ZNF320: variants seen among roughly 807,000 people sequenced by gnomAD.
ZNF320 encodes the protein zinc finger protein 320, also known as zinc finger gene 320.
A neutral mutation model predicts 6.8 loss-of-function variants in ZNF320; 2 were observed. That is an observed-to-expected ratio of 0.29 (90% confidence interval 0.12 to 0.93). The LOEUF is 0.93. Among genes scored for constraint, ZNF320 ranks in the 40% least tolerant of loss-of-function variants. The pLI is 0.55. For missense variants in ZNF320, 472 were observed against 611.0 expected (o/e 0.77, Z 2.40); for synonymous variants, 208 against 203.2 (o/e 1.02, Z -0.20).
the ZNF320 span, among the ~76,000 whole-genome samples, chr19:52,903,002 A>G: frequency 6.6e-6 from 1 of 152,204 alleles, no homozygotes; most frequent in Non-Finnish European, 1.5e-5. Context: ...ACTTTTTAAT[A>G]TAGGTAAAAA....
intron 2 of ZNF320, among the ~76,000 whole-genome samples, chr19:52,892,792 G>A (rs142636997): frequency 6.6e-6 from 1 of 151,006 alleles, no homozygotes; most frequent in Non-Finnish European, 1.5e-5. Flanking sequence ...AGATCCCCAG[G>A]TGTCCTCCCT....
chr19:52,901,474 G>A (rs756772362), upstream of ZNF320, among the ~76,000 whole-genome samples: 7 of 152,154 alleles, frequency 4.6e-5, no homozygotes, highest in Admixed American at 1.3e-4. Context: ...AGGGGTTGGC[G>A]AAGCTGCTCT....
downstream of ZNF320, among the ~76,000 whole-genome samples, chr19:52,873,806 C>T (rs1600588291): frequency 6.6e-6 from 1 of 152,164 alleles, no homozygotes; most frequent in African/African-American, 2.4e-5. Flanking sequence ...TCTTCCCAAG[C>T]TCACATCACT....
chr19:52,865,373 G>A lies in ZNF320; in HGVS notation c.224-1214C>T, dbSNP rs899721553. ...ACATTTTCCTCACCCACAGACTCCA[G>A]GTTCCTGTAGTTCTCCCAAATCACG... On this transcript the variant is annotated intron_variant, in intron 5 of 5. Transcript: ENST00000673631. 1.7e-4 allele frequency: 53 copies of A among 317,294 alleles called. 1 individual carries two copies. Among genetic ancestry groups the A allele is most frequent in the Admixed American group, 2.3e-4 (7 of 29,984 alleles). 19.7% of individuals were successfully genotyped at this position (317,294 alleles called of 1,614,324 possible). A position where few individuals can be genotyped will look rare whatever the true frequency, so the allele number is the denominator to read the frequency against.
chr19:52,896,048 A>G (rs538841398), intron 1 of ZNF320, among the ~76,000 whole-genome samples: 1 of 152,302 alleles, frequency 6.6e-6, no homozygotes, highest in East Asian at 1.9e-4. Flanking sequence ...GTTGGAAAAC[A>G]ATGATGTGAG....
At chr19:52,866,142 T>TTATA (rs1448101919) in intron 5 of ZNF320, among the ~76,000 whole-genome samples, 1 of 52,450 alleles carries the variant, frequency 1.9e-5, no homozygotes, top group East Asian at 3.1e-4. Flanking sequence ...ATACATATAT[T>TTATA]TATATATGTA....
At chr19:52,866,863 AACAT>A (rs1386903193) in intron 5 of ZNF320, among the ~76,000 whole-genome samples, 2 of 115,000 alleles carry the variant, frequency 1.7e-5, no homozygotes, top group African/African-American at 7.4e-5. Context: ...TGTCTCACAA[AACAT>A]ACAAAAAAAA....
rs1312215334 is a variant in ZNF320, at chr19:52,879,044, A to AT, written c.*1551dup. ...TTTTAGCAGAATTTACATTGCCTTG[A>AT]TTGAGTCTCTTTTCAAACTCATGTC... On this transcript the variant is annotated 3_prime_UTR_variant, in exon 6 of 6. Transcript: ENST00000682928. 1.3e-5 allele frequency: 2 copies of AT among 152,118 alleles called. No individual in the cohort carries two copies. The highest frequency in any genetic ancestry group is 4.8e-5 in the African/African-American group (2 of 41,434). The allele number at this position is 152,118 out of a possible 1,614,324, so 9.4% of individuals were successfully genotyped here.
intron 3 of ZNF320, among the ~76,000 whole-genome samples, chr19:52,890,637 C>T (rs992039870): frequency 3.3e-5 from 5 of 152,130 alleles, no homozygotes; most frequent in South Asian, 2.1e-4. Context: ...TCTAGGAGGC[C>T]GAGGTGGGTA....
At chr19:52,897,858 A>G (rs573484395), upstream of ZNF320, among the ~76,000 whole-genome samples, 3 of 152,130 alleles carry the variant, frequency 2.0e-5, no homozygotes, top group Admixed American at 6.5e-5. Flanking sequence ...GTCCTGGGCT[A>G]TGAGGGGTCG....
downstream of ZNF320, among the ~76,000 whole-genome samples, chr19:52,871,948 T>C (rs2063687795): frequency 6.6e-6 from 1 of 152,224 alleles, no homozygotes; most frequent in African/African-American, 2.4e-5. Context: ...TCACCGCTCA[T>C]CTGCACCCAG....
At chr19:52,859,831 A>C (rs139742031), downstream of ZNF320, among the ~76,000 whole-genome samples, 713 of 152,072 alleles carry the variant, frequency 4.7e-3, 2 homozygotes, top group Non-Finnish European at 7.9e-3. Context: ...AGGAAACTAA[A>C]TTTTATTGCA....
At chr19:52,883,187 G>A (rs1222950170) in intron 5 of ZNF320, among the ~76,000 whole-genome samples, 3 of 151,762 alleles carry the variant, frequency 2.0e-5, no homozygotes, top group South Asian at 2.1e-4. Context: ...GATTACAGGC[G>A]CACACCACTA....
chr19:52,863,954 A>G, exon 6 of ZNF320: 1 of 420,212 alleles, frequency 2.4e-6, no homozygotes, highest in South Asian at 1.8e-5. Flanking sequence ...GGGCAAAATC[A>G]CAAAAGAGAA....
chr19:52,882,354 A>C (rs141438890), intron 5 of ZNF320, among the ~76,000 whole-genome samples: 1 of 152,352 alleles, frequency 6.6e-6, no homozygotes, highest in East Asian at 1.9e-4. Context: ...CAGTATATTT[A>C]GTATACAGAA....
intron 5 of ZNF320, among the ~76,000 whole-genome samples, chr19:52,883,945 G>A (rs138162264): frequency 1.8e-3 from 273 of 152,190 alleles, no homozygotes; most frequent in African/African-American, 6.4e-3. Flanking sequence ...ATAAGCTTTG[G>A]TAGATGTGGT....
upstream of ZNF320, among the ~76,000 whole-genome samples, chr19:52,898,805 C>T (rs2064545790): frequency 6.6e-6 from 1 of 152,208 alleles, no homozygotes. Flanking sequence ...TATACAATGT[C>T]TGGAATCTAT....
intron 5 of ZNF320, among the ~76,000 whole-genome samples, chr19:52,866,916 A>T (rs2063585631): frequency 6.6e-6 from 1 of 151,674 alleles, no homozygotes; most frequent in Non-Finnish European, 1.5e-5. Flanking sequence ...ACAGTGTCAG[A>T]CGGCTGAATT....
upstream of ZNF320, among the ~76,000 whole-genome samples, chr19:52,899,311 G>T (rs551460447): frequency 2.0e-5 from 3 of 152,230 alleles, no homozygotes; most frequent in Admixed American, 2.0e-4. Flanking sequence ...ACGGGTACAT[G>T]TGTCAGTTTT....
Sources: allele counts gnomAD v4.1 joint callset (sites outside exome capture counted in the v4.1 genomes callset), GRCh38; gene constraint gnomAD v4.1.1; transcripts MANE v1.5; gene names NCBI Gene and HGNC (gene_info 2026-07-23, HGNC 2026-07-21).